The following IGSF9B variants were observed in gnomAD, a reference collection of about 807,000 sequenced individuals.
The protein encoded by IGSF9B is immunoglobulin superfamily member 9B.
Under a neutral mutation model 143.7 loss-of-function variants are expected in IGSF9B, and 48 were observed. The ratio of observed to expected loss-of-function variants is 0.33; its 90% CI spans 0.26 to 0.42. The LOEUF (loss-of-function observed/expected upper bound fraction) is 0.42. Among genes scored for constraint, IGSF9B ranks in the 20% least tolerant of loss-of-function variants. The pLI, the probability that IGSF9B is intolerant of heterozygous loss-of-function variation, is 1.00. For missense variants in IGSF9B, 1,706 were observed against 1,980.0 expected, an observed-to-expected ratio of 0.86 and a Z score of 2.63; for synonymous variants, 903 against 833.1, an observed-to-expected ratio of 1.08 and a Z score of -1.44.
chr11:133,944,867 G>A (rs560815431), intron 2 of IGSF9B, among the ~76,000 whole-genome samples: 18 of 152,320 alleles, frequency 1.2e-4, no homozygotes, highest in Non-Finnish European at 5.9e-5. Context: ...CTCTAGGGCA[G>A]AGGGAAGGCA....
intron 11 of IGSF9B, among the ~76,000 whole-genome samples, chr11:133,930,520 G>A (rs1307010264): frequency 1.3e-5 from 2 of 152,184 alleles, no homozygotes; most frequent in Non-Finnish European, 2.9e-5. Flanking sequence ...TCGGGCAATC[G>A]GAAACGGGAA....
In IGSF9B at chr11:133,902,724, G is replaced by A. The variant is rs1379776727; in HGVS notation, c.*6345C>T. On this transcript the variant is annotated 3_prime_UTR_variant, in exon 20 of 20. Transcript: ENST00000533871. ...TCTCCAGCCCTGCCAGGACACCGTC[G>A]GCCATGGCACACCTCTCGTTGTTCA... Among the ~76,000 whole-genome samples the A allele has an allele frequency of 2.0e-5, 3 of 152,074 alleles. No individual in the cohort carries two copies. Among genetic ancestry groups the A allele is most frequent in the South Asian group, 2.1e-4 (1 of 4,814 alleles).
At position 133,902,554 on chromosome 11, in the gene IGSF9B, T is replaced by TAC. The variant is rs1555082799; in HGVS notation, c.*6513_*6514dup. Among the ~76,000 whole-genome samples the TAC allele has an allele frequency of 1.5e-4, 17 of 110,300 alleles. 1 individual carries two copies. The highest frequency in any genetic ancestry group is 1.5e-3 in the Admixed American group (17 of 11,290). The allele number at this position is 110,300 out of a possible 152,430, so 72.4% of individuals were successfully genotyped here. ...ACACACATATACCACACACACCACA[T>TAC]ACACACACACACCCCACACACACAC... On this transcript the variant is annotated 3_prime_UTR_variant, in exon 20 of 20. Transcript: ENST00000533871.
At chr11:133,915,336 T>A (rs1295068358) in intron 18 of IGSF9B, among the ~76,000 whole-genome samples, 2 of 140,254 alleles carry the variant, frequency 1.4e-5, no homozygotes, top group Non-Finnish European at 3.0e-5. Flanking sequence ...TGGCGCAATC[T>A]CGGCTCACTG....
chr11:133,922,747 G>T lies in IGSF9B; in HGVS notation c.2120-17C>A. On this transcript the variant is annotated splice_polypyrimidine_tract_variant and intron_variant, in intron 15 of 19. Transcript: ENST00000533871. ...GGAAGATGTCTGCAGGGAGGGTGGG[G>T]AGCACTCATGAGCCCATCCTTCCCC... 2 of 1,541,238 alleles carry T rather than the reference G, an allele frequency of 1.3e-6. No homozygotes were observed. The highest frequency in any genetic ancestry group is 1.7e-6 in the Non-Finnish European group (2 of 1,145,066).
chr11:133,927,047 G>A lies in IGSF9B; in HGVS notation c.1676C>T (p.Pro559Leu), dbSNP rs765515019. Residue 559 changes from proline to leucine, a missense_variant, in exon 13 of 20, where the codon CCA (proline) becomes CTA (leucine). Physicochemically the swap from Pro to Leu is moderately conservative, Grantham distance 98 (BLOSUM62 -3). Around this residue, in one of 7 missense-constraint regions of IGSF9B, gnomAD observed 267 missense variants for 321.1 expected, o/e 0.83. Coordinates refer to ENST00000533871, the MANE Select transcript of IGSF9B (RefSeq NM_001277285.4). ...CAGCCAGCTGGGTCCTGGCGGCACT[G>A]GCAAGGACAGCCAGTCATGGGGCCC... Reference protein sequence around the residue: ...QFGPHDWLSLPVPPGPSWLLV... With the variant: ...QFGPHDWLSLLVPPGPSWLLV... 16 of 1,562,988 alleles carry A rather than the reference G, an allele frequency of 1.0e-5. No individual in the cohort carries two copies. Among genetic ancestry groups the A allele is most frequent in the African/African-American group, 4.1e-5 (3 of 73,580 alleles).
chr11:133,949,547 A>G (rs11223639), intron 1 of IGSF9B, among the ~76,000 whole-genome samples: 30,532 of 152,176 alleles, frequency 0.2, 4,049 homozygotes, highest in African/African-American at 0.37. Context: ...ATCCAGGAGC[A>G]AAAGAGGTGC....
Position 133,931,563 on chromosome 11 carries a change from G to T in IGSF9B, c.1258C>A (p.Pro420Thr). The T allele has an allele frequency of 6.2e-7, 1 of 1,613,220 alleles. No individual in the cohort carries two copies. The change falls in exon 10 of 20, where the codon CCC becomes ACC. Residue 420 changes from proline (P) to threonine (T), a missense_variant. Physicochemically the swap from Pro to Thr is conservative, Grantham distance 38 (BLOSUM62 -1). Coordinates refer to ENST00000533871, the MANE Select transcript of IGSF9B (RefSeq NM_001277285.4). The surrounding 1 kb of genome is among the most constrained non-coding windows in gnomAD (Gnocchi z 7.7). ...APARLVLKDP[P>T]YFTVLPGWEY... ...CAGCCTGGTAGCACCGTGAAATAGG[G>T]GGGGTCCTGGGGAGGAAAGCACAGG...
chr11:133,912,510 CT>C, intron 18 of IGSF9B: 1 of 372,802 alleles, frequency 2.7e-6, no homozygotes, highest in Non-Finnish European at 5.3e-6. Flanking sequence ...GTAAGACAGG[CT>C]GCACAAAACC....
At chr11:133,919,445 G>C (rs1298941660) in intron 18 of IGSF9B, among the ~76,000 whole-genome samples, 1 of 152,212 alleles carries the variant, frequency 6.6e-6, no homozygotes, top group Admixed American at 6.5e-5. Context: ...CCCCCGCAAG[G>C]GCACGCGCTG....
Position 133,935,652 on chromosome 11 carries a change from C to T in IGSF9B, c.932G>A (p.Arg311His), listed in dbSNP as rs371595541. 20 of 1,610,250 alleles carry T rather than the reference C, an allele frequency of 1.2e-5. No homozygotes were observed. The highest frequency in any genetic ancestry group is 1.6e-4 in the Middle Eastern group (1 of 6,074). ...CAGGTACGCCGAGGCGGAGGGGGAG[C>T]GCCCCAGGCTGTTGCTGGGCACACA... ...YTCVPSNSLG[R>H]SPSASAYLTV... The change falls in exon 7 of 20, where the codon CGC becomes CAC. Residue 311 changes from arginine to histidine, a missense_variant. Arg to His is a conservative substitution (Grantham distance 29, BLOSUM62 0). This residue lies in a region of IGSF9B where 238 missense variants were observed against 452.6 expected (regional missense o/e 0.53). Coordinates refer to ENST00000533871, the MANE Select transcript of IGSF9B (RefSeq NM_001277285.4).
chr11:133,920,430 C>A lies in IGSF9B; in HGVS notation c.3295G>T (p.Ala1099Ser). Residue 1099 changes from alanine to serine, a missense_variant, in exon 18 of 20, where the codon GCA becomes TCA. Physicochemically the swap from Ala to Ser is moderately conservative, Grantham distance 99. Coordinates refer to ENST00000533871, the MANE Select transcript of IGSF9B (RefSeq NM_001277285.4). ...GACTTGCCTGCCCAACCCTTCGGTG[C>A]CTCCAGAGACAGGATGCCCGGGTAG... ...AAYPGILSLEAPKGWAGKSPG... is the reference protein window; with the variant it reads ...AAYPGILSLESPKGWAGKSPG... The A allele has an allele frequency of 1.3e-6, 2 of 1,575,650 alleles. No individual in the cohort carries two copies. Among genetic ancestry groups the A allele is most frequent in the South Asian group, 1.2e-5 (1 of 86,224 alleles).
Position 133,902,572 on chromosome 11 carries a change from A to ACACACACACACCC in IGSF9B, c.*6496_*6497insGGGTGTGTGTGTG, listed in dbSNP as rs1170491971. ...CACCACATACACACACACACCCCAC[A>ACACACACACACCC]CACACACACACACACCCCACTTACT... On this transcript the variant is annotated 3_prime_UTR_variant, in exon 20 of 20. Coordinates refer to ENST00000533871, the MANE Select transcript of IGSF9B (RefSeq NM_001277285.4). Among the ~76,000 whole-genome samples, 3 of 149,034 alleles carry ACACACACACACCC rather than the reference A, an allele frequency of 2.0e-5. No homozygotes were observed. The highest frequency in any genetic ancestry group is 6.7e-5 in the Admixed American group (1 of 15,020).
chr11:133,915,856 C>T (rs1018395441), intron 18 of IGSF9B, among the ~76,000 whole-genome samples: 4 of 152,182 alleles, frequency 2.6e-5, no homozygotes, highest in South Asian at 2.1e-4. Context: ...GATTATACAC[C>T]GATGGAGGCA....
intron 7 of IGSF9B, among the ~76,000 whole-genome samples, chr11:133,934,042 A>G (rs1939779893): frequency 6.6e-6 from 1 of 151,020 alleles, no homozygotes; most frequent in Non-Finnish European, 1.5e-5. Flanking sequence ...TACTCTGAAC[A>G]CTGCTTTTTA....
intron 5 of IGSF9B, among the ~76,000 whole-genome samples, 190 bp downstream of exon 5, chr11:133,937,186 C>T (rs540204365): frequency 1.3e-5 from 2 of 152,324 alleles, no homozygotes; most frequent in Admixed American, 6.5e-5. Context: ...CTGGCCCTCT[C>T]CCAGGCAGCC....
rs964962976 is a variant in IGSF9B, at chr11:133,945,900, G to A, written c.262+161C>T. Among the ~76,000 whole-genome samples the A allele has an allele frequency of 3.9e-5, 6 of 151,992 alleles. No homozygotes were observed. Among genetic ancestry groups the A allele is most frequent in the African/African-American group, 9.7e-5 (4 of 41,402 alleles). Reference sequence around the variant, plus strand: ...ACCTCCACAGCCCTCTCCTCCCACCGCTTGATTAGAACCAACAGAGGACAA... The same window carrying A: ...ACCTCCACAGCCCTCTCCTCCCACCACTTGATTAGAACCAACAGAGGACAA... On this transcript the variant is annotated intron_variant, in intron 2 of 19. Coordinates refer to ENST00000533871, the MANE Select transcript of IGSF9B (RefSeq NM_001277285.4). The surrounding 1 kb of genome is among the most constrained non-coding windows in gnomAD (Gnocchi z 4.6).
At chr11:133,925,329 G>C (rs1332909829) in intron 14 of IGSF9B, among the ~76,000 whole-genome samples, 1 of 152,216 alleles carries the variant, frequency 6.6e-6, no homozygotes, top group Non-Finnish European at 1.5e-5. Context: ...CTTTCTTCCA[G>C]GAGCTCTAAA....
chr11:133,947,172 A>G (rs557234609), intron 1 of IGSF9B, among the ~76,000 whole-genome samples: 9 of 152,204 alleles, frequency 5.9e-5, no homozygotes, highest in African/African-American at 2.2e-4. Flanking sequence ...AAGCTAGAGG[A>G]CGCCGCAGAG....
Sources: allele counts gnomAD v4.1 joint callset (sites outside exome capture counted in the v4.1 genomes callset), GRCh38; gene constraint gnomAD v4.1.1; regional missense constraint gnomAD v4.1.1; non-coding constraint Gnocchi (gnomAD v3.1); transcripts MANE v1.5; gene names NCBI Gene and HGNC (gene_info 2026-07-23, HGNC 2026-07-21).